The following NTM variants were observed in gnomAD, a reference collection of about 807,000 sequenced individuals.
NTM encodes the protein neurotrimin.
A neutral mutation model predicts 42.1 loss-of-function variants in NTM; 13 were observed. That is an observed-to-expected ratio of 0.31 (90% CI 0.20 to 0.49). The LOEUF is 0.49. Ranked by LOEUF, NTM falls within the 20% of genes least tolerant of loss-of-function variation. The pLI is 0.99. For missense variants in NTM, 373 were observed against 452.8 expected (o/e 0.82, Z 1.60); for synonymous variants, 187 against 179.2 (o/e 1.04, Z -0.35).
rs1489332392 is a variant in NTM at position 132,109,407 on chromosome 11, C to G, written c.168-36875C>G. On this transcript the variant is annotated intron_variant, in intron 2 of 8. Coordinates refer to ENST00000683400, the MANE Select transcript of NTM (RefSeq NM_001352005.2). ...CAGCGAGAATGTGCCATCCATAAAC[C>G]GGGCAGTGGGGCCCAACCAGACCCT... Among the ~76,000 whole-genome samples the G allele has an allele frequency of 3.9e-5, 6 of 152,214 alleles. No homozygotes were observed. In the South Asian group the frequency reaches 1.2e-3, roughly 32 times the overall value.
chr11:132,270,765 C>CA (rs2093439348), intron 4 of NTM, among the ~76,000 whole-genome samples: 1 of 151,352 alleles, frequency 6.6e-6, no homozygotes, highest in Non-Finnish European at 1.5e-5. Context: ...CGCTTTACAC[C>CA]AAAAATATAT....
chr11:132,068,210 C>G (rs117466763), intron 2 of NTM, among the ~76,000 whole-genome samples: 2,065 of 152,280 alleles, frequency 0.014, 25 homozygotes, highest in Non-Finnish European at 0.021. Context: ...TTTAAACAAG[C>G]TGTTAATTTC....
rs565791714 is a variant in NTM at position 131,794,200 on chromosome 11, CT to C, written c.83-117363del. On this transcript the variant is annotated intron_variant, in intron 1 of 8. Coordinates refer to ENST00000683400, the MANE Select transcript of NTM (RefSeq NM_001352005.2). ...CACCACCTCTGTGTGCAGGGCCTGT[CT>C]CGCACCTCTGGCTTGGGAGGGTAGA... 1.2e-3 allele frequency among the ~76,000 whole-genome samples: 185 copies of C among 152,262 alleles called. 2 individuals are homozygous for C. The highest frequency in any genetic ancestry group is 4.2e-3 in the African/African-American group (173 of 41,544).
chr11:131,679,281 C>T (rs1393324191), intron 1 of NTM, among the ~76,000 whole-genome samples: 2 of 152,074 alleles, frequency 1.3e-5, no homozygotes, highest in Non-Finnish European at 2.9e-5. Flanking sequence ...CACAGAAGGG[C>T]GTTCCATGCA....
intron 1 of NTM, among the ~76,000 whole-genome samples, chr11:131,553,552 A>G (rs1170411435): frequency 1.3e-5 from 2 of 152,136 alleles, no homozygotes; most frequent in Non-Finnish European, 2.9e-5. Flanking sequence ...TCTGTATTCC[A>G]TTAGTTTCTA....
chr11:131,835,964 T>A (rs957332594), intron 1 of NTM, among the ~76,000 whole-genome samples: 1 of 152,298 alleles, frequency 6.6e-6, no homozygotes, highest in Admixed American at 6.5e-5. Flanking sequence ...GAAGAATTTA[T>A]ACCAAATGAT....
intron 2 of NTM, among the ~76,000 whole-genome samples, chr11:131,942,338 C>T (rs2059885118): frequency 6.6e-6 from 1 of 152,154 alleles, no homozygotes; most frequent in East Asian, 1.9e-4. Context: ...GATTTGGGGA[C>T]TTGGACTCCC....
At chr11:132,041,227 TAGATAGAGAGA>T (rs2077151210) in intron 2 of NTM, among the ~76,000 whole-genome samples, 1 of 94,984 alleles carries the variant, frequency 1.1e-5, no homozygotes, top group African/African-American at 3.8e-5. Context: ...GAGAGAGAGA[TAGATAGAGAGA>T]GAGAGAGAGA....
chr11:132,129,484 C>T (rs974504162), intron 2 of NTM, among the ~76,000 whole-genome samples: 1 of 152,120 alleles, frequency 6.6e-6, no homozygotes, highest in African/African-American at 2.4e-5. Flanking sequence ...GTAGCTTAGG[C>T]CCTGCATTCC....
chr11:131,812,147 T>G (rs935729426), intron 1 of NTM, among the ~76,000 whole-genome samples: 7 of 151,530 alleles, frequency 4.6e-5, no homozygotes, highest in African/African-American at 7.3e-5. Flanking sequence ...CTCTTGTGTT[T>G]TTTCTCTACC....
chr11:132,025,766 C>G (rs2075088430), intron 2 of NTM, among the ~76,000 whole-genome samples: 1 of 152,128 alleles, frequency 6.6e-6, no homozygotes, highest in Non-Finnish European at 1.5e-5. Flanking sequence ...TGAGGAATAG[C>G]TTTTATCCTG....
chr11:132,001,779 C>G (rs1391506958), intron 2 of NTM, among the ~76,000 whole-genome samples: 1 of 140,872 alleles, frequency 7.1e-6, no homozygotes, highest in Non-Finnish European at 1.5e-5. Flanking sequence ...CAGACAGGCA[C>G]ACACACACAC....
chr11:131,566,490 CAGA>C (rs2056902807), intron 1 of NTM, among the ~76,000 whole-genome samples: 2 of 151,894 alleles, frequency 1.3e-5, no homozygotes, highest in African/African-American at 2.4e-5. Context: ...AAGGGGCATG[CAGA>C]AGGAGAGCCA....
chr11:132,021,114 C>T (rs1055564159), intron 2 of NTM, among the ~76,000 whole-genome samples: 2 of 151,806 alleles, frequency 1.3e-5, no homozygotes, highest in East Asian at 1.9e-4. Context: ...GGATTTATTT[C>T]TACATTCATG....
At chr11:131,866,945 G>A (rs1162905157) in intron 1 of NTM, among the ~76,000 whole-genome samples, 1 of 152,138 alleles carries the variant, frequency 6.6e-6, no homozygotes, top group Non-Finnish European at 1.5e-5. Flanking sequence ...CCCAGTTCCC[G>A]TGGAATGACA....
chr11:131,708,854 A>C (rs959515161), intron 1 of NTM, among the ~76,000 whole-genome samples: 2 of 152,170 alleles, frequency 1.3e-5, no homozygotes, highest in Non-Finnish European at 2.9e-5. Context: ...CAATTTTAGC[A>C]AATGTTGAAA....
chr11:132,320,634 A>G (rs1443262256), intron 7 of NTM, among the ~76,000 whole-genome samples: 4 of 152,186 alleles, frequency 2.6e-5, no homozygotes, highest in Non-Finnish European at 4.4e-5. Flanking sequence ...TGCTTAGGTA[A>G]ACAAAGCAGC....
At chr11:132,191,476 A>T (rs190212068) in intron 3 of NTM, among the ~76,000 whole-genome samples, 1 of 152,226 alleles carries the variant, frequency 6.6e-6, no homozygotes, top group East Asian at 1.9e-4. Flanking sequence ...CCCAGCTTGC[A>T]TCGCAGTCAA....
At chr11:132,099,436 C>T (rs749348714) in intron 2 of NTM, among the ~76,000 whole-genome samples, 6 of 152,050 alleles carry the variant, frequency 3.9e-5, no homozygotes, top group Middle Eastern at 3.2e-3. Context: ...TAAAAACTCA[C>T]GGATAAAAAT....
Sources: allele counts gnomAD v4.1 joint callset (sites outside exome capture counted in the v4.1 genomes callset), GRCh38; gene constraint gnomAD v4.1.1; transcripts MANE v1.5; gene names NCBI Gene and HGNC (gene_info 2026-07-23, HGNC 2026-07-21).